Variants in USP26 observed in about 807,000 individuals in gnomAD.
USP26 encodes ubiquitin carboxyl-terminal hydrolase 26.
For synonymous variants in USP26, 236 were observed against 240.6 expected, an observed-to-expected ratio of 0.98 and a Z score of 0.18; for missense variants, 649 against 642.3, an observed-to-expected ratio of 1.01 and a Z score of -0.11.
At position 133,024,786 on chromosome X, in the gene USP26, A is replaced by G. The variant is rs760541996; in HGVS notation, c.*693T>C. 9 of 111,891 alleles carry G rather than the reference A, an allele frequency of 8.0e-5. No homozygotes were observed. In the East Asian group the frequency reaches 2.6e-3, roughly 32 times the overall value. The allele number at this position is 111,891 out of a possible 1,213,427, so 9.2% of individuals were successfully genotyped here. A position where few individuals can be genotyped will look rare whatever the true frequency, so the allele number is the denominator to read the frequency against. On this transcript the variant is annotated 3_prime_UTR_variant, in exon 6 of 6. Coordinates refer to ENST00000511190, the MANE Select transcript of USP26 (RefSeq NM_031907.3). ...AGTACAGTAGTGGTTCTCAAACTGTATCAAGCATCACGGTCTCCATCAGAT... is the reference window on the plus strand; with the variant it reads ...AGTACAGTAGTGGTTCTCAAACTGTGTCAAGCATCACGGTCTCCATCAGAT...
At chrX:133,080,562 A>T (rs2067566599) in intron 5 of USP26, among the ~76,000 whole-genome samples, 1 of 111,195 alleles carries the variant, frequency 9.0e-6, no homozygotes, top group African/African-American at 3.3e-5. Context: ...TTAAGTGAGG[A>T]GTTTAAGATG....
intron 5 of USP26, among the ~76,000 whole-genome samples, chrX:133,057,941 G>A (rs1310958815): frequency 7.5e-5 from 6 of 80,212 alleles, no homozygotes; most frequent in East Asian, 4.1e-4. Context: ...GCAGTGGTGC[G>A]ATCTTGGCTC....
intron 5 of USP26, among the ~76,000 whole-genome samples, chrX:133,083,435 C>T (rs1233822060): frequency 1.4e-5 from 1 of 71,674 alleles, no homozygotes; most frequent in East Asian, 5.4e-4. Context: ...AGGGTGACTT[C>T]GTTTTGATCA....
chrX:133,069,944 T>G (rs1040986096), intron 5 of USP26, among the ~76,000 whole-genome samples: 1 of 110,530 alleles, frequency 9.0e-6, no homozygotes, highest in Non-Finnish European at 1.9e-5. Context: ...AAGCATGGAG[T>G]CTTGACCCAA....
intron 5 of USP26, 40 bp from the exon 6 acceptor site, chrX:133,028,336 T>C: frequency 2.4e-6 from 2 of 845,244 alleles, no homozygotes; most frequent in South Asian, 2.3e-5. Context: ...ATTAGTTCTC[T>C]ACACAGAATG....
At chrX:133,041,810 C>A (rs1360163748) in intron 5 of USP26, among the ~76,000 whole-genome samples, 1 of 112,281 alleles carries the variant, frequency 8.9e-6, no homozygotes, top group Non-Finnish European at 1.9e-5. Context: ...GCTGTGCCCA[C>A]AGCCACCCTT....
intron 5 of USP26, among the ~76,000 whole-genome samples, chrX:133,054,935 G>A (rs766954603): frequency 8.9e-6 from 1 of 112,248 alleles, no homozygotes; most frequent in Non-Finnish European, 1.9e-5. Flanking sequence ...TGTAGTCCTA[G>A]AGGACAATCA....
intron 5 of USP26, among the ~76,000 whole-genome samples, chrX:133,040,793 C>G (rs1460379165): frequency 9.0e-6 from 1 of 111,522 alleles, no homozygotes; most frequent in Non-Finnish European, 1.9e-5. Flanking sequence ...TGTTTTCCGA[C>G]TTGGTTCCAT....
At chrX:133,053,585 C>T (rs2067466753) in intron 5 of USP26, among the ~76,000 whole-genome samples, 1 of 109,800 alleles carries the variant, frequency 9.1e-6, no homozygotes, top group African/African-American at 3.3e-5. Flanking sequence ...CTAATATTCC[C>T]TGCTGGTATA....
At chrX:133,052,770 G>A (rs942523151) in intron 5 of USP26, among the ~76,000 whole-genome samples, 8 of 111,700 alleles carry the variant, frequency 7.2e-5, no homozygotes, top group African/African-American at 2.3e-4. Flanking sequence ...CAATCAGAGC[G>A]CTGCCTGCCC....
At chrX:133,077,819 C>T (rs111910787) in intron 5 of USP26, among the ~76,000 whole-genome samples, 3,346 of 111,754 alleles carry the variant, frequency 0.03, 74 homozygotes, top group East Asian at 0.1. Flanking sequence ...CGGTGGCTTA[C>T]GCCTGTAACC....
intron 5 of USP26, among the ~76,000 whole-genome samples, chrX:133,057,555 A>C (rs2067479445): frequency 9.1e-6 from 1 of 110,078 alleles, no homozygotes; most frequent in African/African-American, 3.3e-5. Context: ...AGTTTCCTAA[A>C]GTATAAGCTA....
At chrX:133,065,206 A>T (rs1488338704) in intron 5 of USP26, among the ~76,000 whole-genome samples, 2 of 111,468 alleles carry the variant, frequency 1.8e-5, no homozygotes, top group Non-Finnish European at 3.8e-5. Flanking sequence ...AATAGACCAA[A>T]AACAAGTTCT....
rs374597225 is a variant in USP26, at chrX:133,063,133, T to C, written c.-77+20574A>G. ...CAAGTGGAAGAAAGGATATCAGAGA[T>C]TGATGATCGACTTACTGAAATAAGG... On this transcript the variant is annotated intron_variant, in intron 5 of 5. Transcript: ENST00000511190. 1.4e-4 allele frequency among the ~76,000 whole-genome samples: 15 copies of C among 110,510 alleles called. No homozygotes were observed. In the East Asian group the frequency reaches 3.4e-3, roughly 25 times the overall value.
chrX:133,095,863 G>T (rs1186756963), intron 1 of USP26, among the ~76,000 whole-genome samples: 7 of 110,268 alleles, frequency 6.3e-5, no homozygotes, highest in Non-Finnish European at 1.3e-4. Flanking sequence ...TCTTGCCTCA[G>T]CCTCCCCAGT....
At chrX:133,084,243 G>T (rs992841235) in intron 4 of USP26, among the ~76,000 whole-genome samples, 1 of 111,853 alleles carries the variant, frequency 8.9e-6, no homozygotes, top group African/African-American at 3.2e-5. Flanking sequence ...CTGTCACCCA[G>T]GCTGGAGGGC....
At chrX:133,052,372 C>T (rs2067462042) in intron 5 of USP26, among the ~76,000 whole-genome samples, 1 of 111,763 alleles carries the variant, frequency 8.9e-6, no homozygotes, top group African/African-American at 3.3e-5. Context: ...AAGTGGGTCT[C>T]AATGTTTACA....
intron 5 of USP26, among the ~76,000 whole-genome samples, chrX:133,063,593 G>T (rs1342650098): frequency 9.0e-6 from 1 of 111,283 alleles, no homozygotes; most frequent in Non-Finnish European, 1.9e-5. Flanking sequence ...TTAAATAAAA[G>T]AATTTTCAAC....
chrX:133,072,269 G>T (rs967434311), intron 5 of USP26, among the ~76,000 whole-genome samples: 1 of 112,162 alleles, frequency 8.9e-6, no homozygotes, highest in Non-Finnish European at 1.9e-5. Context: ...CTTACAGATG[G>T]TATAACCTGC....
Sources: gnomAD v4.1 joint callset for allele counts (sites outside exome capture counted in the v4.1 genomes callset) on GRCh38, gnomAD v4.1.1 for gene constraint, MANE v1.5 for transcripts, NCBI Gene and HGNC (gene_info 2026-07-23, HGNC 2026-07-21) for gene names.